Variants in PDSS2 observed in about 807,000 individuals in gnomAD.
PDSS2 encodes all trans-polyprenyl-diphosphate synthase PDSS2.
A neutral mutation model predicts 44.5 loss-of-function variants in PDSS2; 31 were observed. The observed-to-expected ratio is 0.70, with a 90% confidence interval of 0.52 to 0.94. The LOEUF (loss-of-function observed/expected upper bound fraction) is 0.94. PDSS2 is among the 40% of genes least tolerant of loss of function. The pLI is 0.00. For synonymous variants in PDSS2, 157 were observed against 180.3 expected (o/e 0.87, Z 1.03); for missense variants, 452 against 482.2 (o/e 0.94, Z 0.59).
chr6:107,370,175 T>TA (rs1249794675), intron 1 of PDSS2, among the ~76,000 whole-genome samples: 1 of 152,184 alleles, frequency 6.6e-6, no homozygotes, highest in Non-Finnish European at 1.5e-5. Context: ...TTCTAGTAGT[T>TA]AGAGTTCTGG....
chr6:107,201,989 A>C (rs1330878035), intron 6 of PDSS2, among the ~76,000 whole-genome samples: 1 of 152,178 alleles, frequency 6.6e-6, no homozygotes, highest in Non-Finnish European at 1.5e-5. Context: ...GCTCACCCCT[A>C]GATACTTCAG....
In PDSS2 at chr6:107,171,463, T is replaced by C. The variant is rs181799512; in HGVS notation, c.1042-16686A>G. On this transcript the variant is annotated intron_variant, in intron 7 of 7. Transcript: ENST00000369037. ...AGGTGTGAACCATCACAACCGTCCA[T>C]GATCTTGGTTCTAATAGCCATAGAT... is the stretch of plus-strand genomic sequence containing the variant. Among the ~76,000 whole-genome samples, 132 of 152,214 alleles carry C rather than the reference T, an allele frequency of 8.7e-4. 3 individuals carry two copies. Among genetic ancestry groups the C allele is most frequent in the Admixed American group, 8.6e-3 (131 of 15,278 alleles).
chr6:107,296,561 A>G (rs1478594574), intron 2 of PDSS2, among the ~76,000 whole-genome samples: 1 of 152,094 alleles, frequency 6.6e-6, no homozygotes, highest in Non-Finnish European at 1.5e-5. Flanking sequence ...CCTCGTCTCT[A>G]CTAAAAATAT....
intron 1 of PDSS2, among the ~76,000 whole-genome samples, chr6:107,374,467 C>T (rs1247400604): frequency 6.6e-6 from 1 of 152,238 alleles, no homozygotes; most frequent in African/African-American, 2.4e-5. Flanking sequence ...CTACTATGTG[C>T]CAGGCACTGT....
rs565060501 is a variant in PDSS2 at position 107,297,627 on chromosome 6, G to T, written c.432-23400C>A. On this transcript the variant is annotated intron_variant, in intron 2 of 7. Transcript: ENST00000369037. Reference sequence around the variant, plus strand: ...GAACTCCTGGCCTCATGATCCACCCGCCTCGGCCTCCCAAAGTGTTGGGAT... The same window carrying T: ...GAACTCCTGGCCTCATGATCCACCCTCCTCGGCCTCCCAAAGTGTTGGGAT... Among the ~76,000 whole-genome samples the T allele has an allele frequency of 2.0e-5, 3 of 147,960 alleles. No homozygotes were observed. The East Asian group carries it at 6.3e-4, about 31-fold the overall frequency.
intron 7 of PDSS2, among the ~76,000 whole-genome samples, chr6:107,170,259 C>T (rs1194134253): frequency 2.0e-5 from 3 of 152,132 alleles, no homozygotes; most frequent in Non-Finnish European, 4.4e-5. Context: ...GTTCCAAGGG[C>T]GTGGGATCCT....
intron 3 of PDSS2, chr6:107,264,530 T>A: frequency 2.2e-6 from 3 of 1,383,506 alleles, no homozygotes; most frequent in Non-Finnish European, 3.0e-6. Flanking sequence ...GAAAAAAAAA[T>A]AACGTGATAA....
intron 3 of PDSS2, among the ~76,000 whole-genome samples, chr6:107,263,066 A>T (rs975115761): frequency 1.3e-5 from 2 of 152,228 alleles, no homozygotes; most frequent in Non-Finnish European, 2.9e-5. Flanking sequence ...AACATTTAAA[A>T]ATAATTTAAC....
chr6:107,279,833 G>T (rs1775901944), intron 2 of PDSS2, among the ~76,000 whole-genome samples: 1 of 152,124 alleles, frequency 6.6e-6, no homozygotes, highest in South Asian at 2.1e-4. Context: ...CACCAGATAA[G>T]TAACTCTGGA....
intron 7 of PDSS2, among the ~76,000 whole-genome samples, chr6:107,167,067 T>C (rs1771378084): frequency 6.6e-6 from 1 of 152,206 alleles, no homozygotes; most frequent in Non-Finnish European, 1.5e-5. Context: ...AACTCCTCCT[T>C]GTACCTCTGG....
chr6:107,423,923 C>T (rs1223313756), intron 1 of PDSS2, among the ~76,000 whole-genome samples: 1 of 151,994 alleles, frequency 6.6e-6, no homozygotes, highest in Non-Finnish European at 1.5e-5. Flanking sequence ...TTTCTTCTTC[C>T]ATAAAGCCTT....
At chr6:107,289,957 A>C (rs2430475) in intron 2 of PDSS2, among the ~76,000 whole-genome samples, 5 of 151,020 alleles carry the variant, frequency 3.3e-5, no homozygotes, top group Non-Finnish European at 7.4e-5. Flanking sequence ...ATTTTTTTTT[A>C]AAAAATGTTT....
At chr6:107,401,070 A>G (rs1370761721) in intron 1 of PDSS2, among the ~76,000 whole-genome samples, 2 of 152,206 alleles carry the variant, frequency 1.3e-5, no homozygotes, top group Admixed American at 1.3e-4. Context: ...CACTACTGCA[A>G]CCATCACAGC....
chr6:107,324,221 T>A (rs1314407266), intron 2 of PDSS2, among the ~76,000 whole-genome samples: 4 of 152,206 alleles, frequency 2.6e-5, no homozygotes, highest in Admixed American at 2.0e-4. Flanking sequence ...GGAGTTTACA[T>A]TTACTGTTGT....
intron 2 of PDSS2, among the ~76,000 whole-genome samples, chr6:107,308,188 T>C (rs1776923954): frequency 6.6e-6 from 1 of 152,186 alleles, no homozygotes; most frequent in Admixed American, 6.5e-5. Context: ...CATGACTACA[T>C]GAAATAGCCT....
At chr6:107,442,612 C>T (rs1781544057) in intron 1 of PDSS2, among the ~76,000 whole-genome samples, 1 of 152,170 alleles carries the variant, frequency 6.6e-6, no homozygotes, top group Non-Finnish European at 1.5e-5. Context: ...CCATTCCTAA[C>T]TTCAGTTTGG....
chr6:107,212,929 A>G (rs1773276015), intron 4 of PDSS2, among the ~76,000 whole-genome samples: 1 of 151,920 alleles, frequency 6.6e-6, no homozygotes, highest in Admixed American at 6.6e-5. Flanking sequence ...ACTTGAGCCC[A>G]GGAGTTCAAG....
intron 1 of PDSS2, among the ~76,000 whole-genome samples, chr6:107,394,247 T>C (rs968546628): frequency 2.6e-5 from 4 of 152,194 alleles, no homozygotes; most frequent in Non-Finnish European, 4.4e-5. Context: ...TATTAGTCCA[T>C]TCCCTGCATT....
At chr6:107,180,674 C>A (rs570209888) in intron 7 of PDSS2, among the ~76,000 whole-genome samples, 1 of 152,258 alleles carries the variant, frequency 6.6e-6, no homozygotes, top group East Asian at 1.9e-4. Context: ...CATCAACGAT[C>A]TAAGCCTGAC....
Sources: allele counts gnomAD v4.1 joint callset (sites outside exome capture counted in the v4.1 genomes callset), GRCh38; gene constraint gnomAD v4.1.1; transcripts MANE v1.5; gene names NCBI Gene and HGNC (gene_info 2026-07-23, HGNC 2026-07-21).